The following SIPA1L1 variants were observed in gnomAD, a reference collection of about 807,000 sequenced individuals.
SIPA1L1 encodes the protein signal-induced proliferation-associated 1-like protein 1.
In SIPA1L1, 26 loss-of-function variants were observed where a neutral mutation model predicts 162.7. The observed-to-expected ratio is 0.16, with a 90% confidence interval of 0.12 to 0.22. The LOEUF (loss-of-function observed/expected upper bound fraction) is 0.22. Among genes scored for constraint, SIPA1L1 ranks in the 10% least tolerant of loss-of-function variants. The pLI is 1.00. For synonymous variants in SIPA1L1, 829 were observed against 837.4 expected, an observed-to-expected ratio of 0.99 and a Z score of 0.17; for missense variants, 1,874 against 2,241.0, an observed-to-expected ratio of 0.84 and a Z score of 3.31.
intron 2 of SIPA1L1, among the ~76,000 whole-genome samples, chr14:71,433,805 A>G (rs1461776645): frequency 2.6e-5 from 4 of 152,236 alleles, no homozygotes; most frequent in African/African-American, 7.2e-5. Flanking sequence ...AGGCAATTTC[A>G]TAGTTTCACC....
At chr14:71,544,090 TAC>T (rs977076641) in intron 4 of SIPA1L1, among the ~76,000 whole-genome samples, 13 of 149,638 alleles carry the variant, frequency 8.7e-5, no homozygotes, top group African/African-American at 2.5e-4. Flanking sequence ...TGTATGTATA[TAC>T]ACACGCACAT....
intron 17 of SIPA1L1, among the ~76,000 whole-genome samples, chr14:71,710,807 CAAAAAAAAAAAA>C (rs570414143): frequency 1.7e-5 from 1 of 57,672 alleles, no homozygotes; most frequent in Admixed American, 1.8e-4. Flanking sequence ...GATTCTGTCT[CAAAAAAAAAAAA>C]AAAAAAGAAA....
chr14:71,502,255 A>AAAT (rs67020418), intron 2 of SIPA1L1, among the ~76,000 whole-genome samples: 1,382 of 97,492 alleles, frequency 0.014, 12 homozygotes, highest in Admixed American at 0.017. Context: ...AAAAAAAAAA[A>AAAT]ATATATATAT....
At position 71,672,497 on chromosome 14, in the gene SIPA1L1, C is replaced by T. The variant is rs766633381; in HGVS notation, c.2979C>T (p.Arg993=). The T allele has an allele frequency of 2.0e-5, 32 of 1,614,062 alleles. No individual in the cohort carries two copies. The South Asian group carries it at 3.5e-4, about 18-fold the overall frequency. Reference sequence around the variant, plus strand: ...AGGCAGGGCTGAGGCAGGGCAGTCGCCTGGTGGAGATCTGCAAGGTGGCGG... The same window carrying T: ...AGGCAGGGCTGAGGCAGGGCAGTCGTCTGGTGGAGATCTGCAAGGTGGCGG... ...AWQAGLRQGS[R]LVEICKVAVA... is the part of the protein sequence containing the mutation. Residue 993 remains arginine (R), a synonymous_variant, in exon 12 of 24, where the codon CGC becomes CGT. Transcript: ENST00000381232.
chr14:71,372,083 G>C (rs554754410), intron 2 of SIPA1L1, among the ~76,000 whole-genome samples: 1 of 152,276 alleles, frequency 6.6e-6, no homozygotes, highest in African/African-American at 2.4e-5. Context: ...CAGATATTAT[G>C]ATACTGTCTC....
At chr14:71,609,221 C>T (rs927835578) in intron 5 of SIPA1L1, among the ~76,000 whole-genome samples, 4 of 151,968 alleles carry the variant, frequency 2.6e-5, no homozygotes, top group African/African-American at 9.7e-5. Context: ...CCCCATTGAT[C>T]CCAATAACAG....
chr14:71,529,408 T>C (rs1349847549), intron 4 of SIPA1L1, 38 bp downstream of exon 4: 3 of 584,458 alleles, frequency 5.1e-6, no homozygotes, highest in Non-Finnish European at 6.2e-6. Context: ...CCTACCTGCT[T>C]TACAAAGTGT....
intron 5 of SIPA1L1, among the ~76,000 whole-genome samples, chr14:71,593,832 C>T (rs565514988): frequency 6.6e-6 from 1 of 152,214 alleles, no homozygotes; most frequent in African/African-American, 2.4e-5. Flanking sequence ...ATAGGCTTGT[C>T]TTCATGGTAG....
intron 15 of SIPA1L1, 106 bp downstream of exon 15, chr14:71,702,611 T>TA: frequency 1.0e-6 from 1 of 960,056 alleles, no homozygotes; most frequent in East Asian, 2.7e-5. Flanking sequence ...CCCTAGTTAA[T>TA]AAATATGAAT....
At chr14:71,661,067 C>G (rs1244644843) in intron 9 of SIPA1L1, among the ~76,000 whole-genome samples, 3 of 152,126 alleles carry the variant, frequency 2.0e-5, no homozygotes, top group Admixed American at 6.5e-5. Flanking sequence ...CATAATATGC[C>G]AGATATTGGG....
At chr14:71,359,078 C>T (rs1016067985) in intron 2 of SIPA1L1, among the ~76,000 whole-genome samples, 5 of 152,224 alleles carry the variant, frequency 3.3e-5, no homozygotes, top group African/African-American at 9.6e-5. Flanking sequence ...TGTACCCACC[C>T]AAATCTCATC....
chr14:71,712,948 A>T (rs1464562187), intron 17 of SIPA1L1, among the ~76,000 whole-genome samples: 2 of 152,204 alleles, frequency 1.3e-5, no homozygotes, highest in Non-Finnish European at 2.9e-5. Context: ...TTTTACTGCC[A>T]TCTAGTCAGT....
At chr14:71,448,573 C>T (rs1186457643) in intron 2 of SIPA1L1, 1 of 152,170 alleles carries the variant, frequency 6.6e-6, no homozygotes, top group Non-Finnish European at 1.5e-5. Flanking sequence ...CTGAAATGGG[C>T]TGAAATAAGT....
At chr14:71,650,140 T>A in intron 7 of SIPA1L1, 195 bp from the exon 8 acceptor site, 1 of 652,346 alleles carries the variant, frequency 1.5e-6, no homozygotes, top group South Asian at 1.8e-5. Context: ...TTTTCTGGCC[T>A]TTTCTCAGTT....
intron 4 of SIPA1L1, among the ~76,000 whole-genome samples, chr14:71,580,246 G>A (rs1308694440): frequency 1.3e-5 from 2 of 152,202 alleles, no homozygotes; most frequent in Non-Finnish European, 1.5e-5. Context: ...TCTCCAGGGT[G>A]TTGGTGTGAG....
intron 2 of SIPA1L1, among the ~76,000 whole-genome samples, chr14:71,510,811 A>G (rs1328902820): frequency 1.3e-5 from 2 of 152,168 alleles, no homozygotes; most frequent in East Asian, 3.9e-4. Context: ...ATAGTCCTGA[A>G]ACATTATTAG....
chr14:71,501,358 A>T (rs2050199752), intron 2 of SIPA1L1, among the ~76,000 whole-genome samples: 2 of 152,146 alleles, frequency 1.3e-5, no homozygotes, highest in South Asian at 4.1e-4. Context: ...ATATATGAAG[A>T]AAAAAGATAA....
intron 20 of SIPA1L1, 113 bp downstream of exon 20, chr14:71,730,414 G>T: frequency 1.6e-6 from 2 of 1,238,338 alleles, no homozygotes; most frequent in Non-Finnish European, 2.3e-6. Flanking sequence ...TGCTCAGATG[G>T]TCTCAGCTCA....
intron 2 of SIPA1L1, among the ~76,000 whole-genome samples, chr14:71,451,448 A>G (rs757069447): frequency 6.6e-6 from 1 of 151,998 alleles, no homozygotes; most frequent in Non-Finnish European, 1.5e-5. Flanking sequence ...AGCCTGGGCC[A>G]TATAGTGAGA....
Sources: gnomAD v4.1 joint callset for allele counts (sites outside exome capture counted in the v4.1 genomes callset) on GRCh38, gnomAD v4.1.1 for gene constraint, MANE v1.5 for transcripts, NCBI Gene and HGNC (gene_info 2026-07-23, HGNC 2026-07-21) for gene names.